SBF2: variants seen among roughly 807,000 people sequenced by gnomAD.
SBF2 encodes the protein myotubularin-related protein 13.
SBF2 carries 112 observed loss-of-function variants against 225.2 expected under a neutral mutation model. The observed-to-expected ratio is 0.50, with a 90% CI of 0.43 to 0.58. SBF2 has a LOEUF of 0.58. Ranked by LOEUF, SBF2 falls within the 20% of genes least tolerant of loss-of-function variation. SBF2 has a pLI of 0.00. For missense variants in SBF2, 1,996 were observed against 2,206.2 expected, an observed-to-expected ratio of 0.90 and a Z score of 1.91; for synonymous variants, 763 against 773.3, an observed-to-expected ratio of 0.99 and a Z score of 0.22.
At chr11:9,782,642 G>A (rs1211256442) in intron 38 of SBF2, among the ~76,000 whole-genome samples, 3 of 152,056 alleles carry the variant, frequency 2.0e-5, no homozygotes, top group African/African-American at 4.8e-5. Context: ...AGGCTGAGGC[G>A]GGTGGATCAC....
chr11:10,027,652 G>A (rs1030480565), intron 6 of SBF2, among the ~76,000 whole-genome samples: 5 of 152,176 alleles, frequency 3.3e-5, no homozygotes, highest in African/African-American at 4.8e-5. Context: ...CAGAGGTAAC[G>A]TAAATGGGAA....
chr11:9,916,602 T>C (rs1863116067), intron 16 of SBF2, among the ~76,000 whole-genome samples: 1 of 149,706 alleles, frequency 6.7e-6, no homozygotes, highest in African/African-American at 2.4e-5. Flanking sequence ...CTTTTCCTTT[T>C]TTTTCTTTTT....
At chr11:10,018,120 G>A (rs2134583835) in intron 6 of SBF2, among the ~76,000 whole-genome samples, 1 of 152,142 alleles carries the variant, frequency 6.6e-6, no homozygotes, top group Admixed American at 6.5e-5. Context: ...CAAATAAGAG[G>A]GAACTGTCCT....
At chr11:9,995,720 G>A (rs909413027) in intron 9 of SBF2, among the ~76,000 whole-genome samples, 27 of 150,206 alleles carry the variant, frequency 1.8e-4, no homozygotes, top group African/African-American at 5.4e-4. Flanking sequence ...GCGTGATCTC[G>A]GCTCACTGCG....
intron 1 of SBF2, among the ~76,000 whole-genome samples, chr11:10,249,608 T>A (rs903150597): frequency 6.6e-6 from 1 of 152,098 alleles, no homozygotes; most frequent in African/African-American, 2.4e-5. Flanking sequence ...GTTCATAATA[T>A]CAAGTGTTTT....
At chr11:10,257,938 T>C (rs1049207752) in intron 1 of SBF2, among the ~76,000 whole-genome samples, 2 of 152,052 alleles carry the variant, frequency 1.3e-5, no homozygotes, top group Non-Finnish European at 1.5e-5. Flanking sequence ...GCCTGGGTGA[T>C]AGAGCAAGAC....
intron 1 of SBF2, among the ~76,000 whole-genome samples, chr11:10,230,195 T>C (rs1207616083): frequency 6.6e-6 from 1 of 152,194 alleles, no homozygotes; most frequent in Non-Finnish European, 1.5e-5. Context: ...ATTTTGAGCC[T>C]ATGTGTGTCG....
intron 17 of SBF2, among the ~76,000 whole-genome samples, chr11:9,895,729 T>C (rs1360101622): frequency 1.3e-5 from 2 of 152,184 alleles, no homozygotes; most frequent in Non-Finnish European, 2.9e-5. Context: ...GAAAAGGATG[T>C]AACGGGTGTG....
rs1486499716 is a variant in SBF2 at position 10,060,144 on chromosome 11, GAAGAA to G, written c.142-17168_142-17164del. 2.6e-5 allele frequency among the ~76,000 whole-genome samples: 4 copies of G among 152,114 alleles called. No homozygotes were observed. The East Asian group carries it at 7.7e-4, about 29-fold the overall frequency. On this transcript the variant is annotated intron_variant, in intron 2 of 39. Transcript: ENST00000256190. ...ACAGGCCAATAGCTAGACTAATTACGAAGAAAAGAGAGAAAACCCAAATAAACAGA... is the reference window on the plus strand; with the variant it reads ...ACAGGCCAATAGCTAGACTAATTACGAAGAGAGAAAACCCAAATAAACAGA...
intron 28 of SBF2, among the ~76,000 whole-genome samples, chr11:9,823,054 C>G (rs547752526): frequency 1.1e-4 from 16 of 152,282 alleles, no homozygotes; most frequent in African/African-American, 3.9e-4. Context: ...CTCCAAGTGG[C>G]TACTTCTCAA....
intron 3 of SBF2, among the ~76,000 whole-genome samples, chr11:10,032,775 T>A (rs2134642736): frequency 6.6e-6 from 1 of 152,354 alleles, no homozygotes; most frequent in South Asian, 2.1e-4. Flanking sequence ...ATTTCCCAGT[T>A]CCTAAAATAA....
chr11:9,855,772 G>A (rs749628980), intron 19 of SBF2, among the ~76,000 whole-genome samples: 1 of 152,196 alleles, frequency 6.6e-6, no homozygotes, highest in African/African-American at 2.4e-5. Context: ...AGGGCTTCTT[G>A]AGGCAAGTAA....
At chr11:10,230,474 C>T (rs1003864497) in intron 1 of SBF2, among the ~76,000 whole-genome samples, 2 of 152,108 alleles carry the variant, frequency 1.3e-5, no homozygotes, top group African/African-American at 2.4e-5. Flanking sequence ...ATGTTTAGTG[C>T]TTCCCTCAGG....
intron 1 of SBF2, among the ~76,000 whole-genome samples, chr11:10,194,596 C>T (rs536406258): frequency 1.3e-4 from 20 of 152,080 alleles, no homozygotes; most frequent in Non-Finnish European, 7.4e-5. Context: ...CTGAAACCTC[C>T]GCTTCCCGAG....
intron 16 of SBF2, among the ~76,000 whole-genome samples, chr11:9,914,907 T>TGG (rs145786716): frequency 2.0e-5 from 2 of 102,278 alleles, no homozygotes; most frequent in African/African-American, 7.6e-5. Context: ...GTGTTTATAG[T>TGG]GGGGGGGGCT....
chr11:9,909,062 T>C (rs1381869357), intron 16 of SBF2, among the ~76,000 whole-genome samples: 1 of 152,080 alleles, frequency 6.6e-6, no homozygotes, highest in Non-Finnish European at 1.5e-5. Context: ...TTGAGGGCAA[T>C]GATTGTGTTA....
intron 2 of SBF2, among the ~76,000 whole-genome samples, chr11:10,167,022 T>G (rs903386979): frequency 6.7e-6 from 1 of 149,656 alleles, no homozygotes; most frequent in Admixed American, 6.8e-5. Flanking sequence ...TCAGTACCAG[T>G]TAAGCAACTG....
intron 16 of SBF2, among the ~76,000 whole-genome samples, chr11:9,903,512 A>G (rs1861891107): frequency 6.6e-6 from 1 of 152,190 alleles, no homozygotes; most frequent in Non-Finnish European, 1.5e-5. Flanking sequence ...CCTCCTCAGA[A>G]GAAAGAATTG....
intron 1 of SBF2, among the ~76,000 whole-genome samples, chr11:10,277,589 T>C (rs1963060091): frequency 6.6e-6 from 1 of 152,340 alleles, no homozygotes. Context: ...AATCTCATAA[T>C]GTGACTTTAT....
Sources: gnomAD v4.1 joint callset for allele counts (sites outside exome capture counted in the v4.1 genomes callset) on GRCh38, gnomAD v4.1.1 for gene constraint, MANE v1.5 for transcripts, NCBI Gene and HGNC (gene_info 2026-07-23, HGNC 2026-07-21) for gene names.